The following WDR6 variants were observed in gnomAD, a reference collection of about 807,000 sequenced individuals.
WDR6 encodes WD repeat domain 6.
A neutral mutation model predicts 85.6 loss-of-function variants in WDR6; 58 were observed. The ratio of observed to expected loss-of-function variants is 0.68; its 90% CI spans 0.55 to 0.84. The LOEUF (loss-of-function observed/expected upper bound fraction) is 0.84, where lower values mean the gene tolerates loss of function less well. WDR6 is among the 40% of genes least tolerant of loss of function. WDR6 has a pLI of 0.00. For synonymous variants in WDR6, 569 were observed against 582.2 expected, an observed-to-expected ratio of 0.98 and a Z score of 0.33; for missense variants, 1,310 against 1,476.4, an observed-to-expected ratio of 0.89 and a Z score of 1.85.
Position 49,013,617 on chromosome 3 carries a change from C to T in WDR6, c.2083C>T (p.Leu695Phe). 6.2e-7 allele frequency: 1 copy of T among 1,614,134 alleles called. No homozygotes were observed. The highest frequency in any genetic ancestry group is 8.5e-7 in the Non-Finnish European group (1 of 1,180,014). The change falls in exon 2 of 6, where the codon CTC becomes TTC. Residue 695 changes from leucine to phenylalanine, a missense_variant. By Grantham distance (22) the Leu-to-Phe change is conservative (BLOSUM62 0). Transcript: ENST00000608424. This position sits in a 1 kb window ranked among gnomAD's most constrained non-coding sequence, Gnocchi z 4.6. ...TGGCTGCACCCGGCCACACGTGATT[C>T]TCCGGGAGGGTCTGCATGGCCGTGA... ...LGGCTRPHVI[L>F]REGLHGREIT...
rs1247913362 is a variant in WDR6, at chr3:49,014,998, G to T, written c.3076G>T (p.Ala1026Ser). ...ACAGCTAGAAGAGGCTGTGGGAGAGGCTGGGCTGGTACCCCAGCTGCGTGT... is the reference window on the plus strand; with the variant it reads ...ACAGCTAGAAGAGGCTGTGGGAGAGTCTGGGCTGGTACCCCAGCTGCGTGT... ...MLQLEEAVGEAGLVPQLRVLE... is the reference protein window; with the variant it reads ...MLQLEEAVGESGLVPQLRVLE... The change falls in exon 6 of 6, where the codon GCT becomes TCT. Residue 1026 changes from alanine to serine, a missense_variant. Coordinates refer to ENST00000608424, the MANE Select transcript of WDR6 (RefSeq NM_018031.6). This position sits in a 1 kb window ranked among gnomAD's most constrained non-coding sequence, Gnocchi z 4.9. The T allele has an allele frequency of 6.2e-7, 1 of 1,614,160 alleles. No individual in the cohort carries two copies. Among genetic ancestry groups the T allele is most frequent in the East Asian group, 2.2e-5 (1 of 44,886 alleles).
At chr3:49,008,391 C>G (rs1345605972) in intron 1 of WDR6, 1 of 152,342 alleles carries the variant, frequency 6.6e-6, no homozygotes, top group Non-Finnish European at 1.5e-5. Flanking sequence ...GCCACCAGTC[C>G]TAAGAGGGTG....
intron 1 of WDR6, chr3:49,011,301 A>T (rs941096814): frequency 3.9e-5 from 20 of 518,896 alleles, no homozygotes; most frequent in South Asian, 2.5e-4. Context: ...CTAGTCCTGA[A>T]CCCCTGACCT....
Position 49,012,282 on chromosome 3 carries a change from AAT to A in WDR6, c.751_752del (p.Ile251TrpfsTer35). Reference protein sequence around the residue: ...DLRVPGGRVQNIGHCFGHSAR... With the variant: ...DLRVPGGRVQXIGHCFGHSAR... ...GCGAGTGCCTGGGGGTCGGGTGCAG[AAT>A]ATTGGGCACTGCTTTGGGCACAGCG... On this transcript the variant is annotated frameshift_variant, in exon 2 of 6. Transcript: ENST00000608424. LOFTEE classifies it high-confidence loss of function. This position sits in a 1 kb window ranked among gnomAD's most constrained non-coding sequence, Gnocchi z 4.4. 1.2e-6 allele frequency: 2 copies of A among 1,614,206 alleles called. No homozygotes were observed. The highest frequency in any genetic ancestry group is 1.7e-6 in the Non-Finnish European group (2 of 1,180,038).
At position 49,013,259 on chromosome 3, in the gene WDR6, C is replaced by T; in HGVS notation, c.1725C>T (p.Val575=). The T allele has an allele frequency of 6.2e-7, 1 of 1,614,072 alleles. No individual in the cohort carries two copies. The highest frequency in any genetic ancestry group is 8.5e-7 in the Non-Finnish European group (1 of 1,180,006). ...SLHGKQGVTS[V]TCHGGYVYTT... Reference sequence around the variant, plus strand: ...ACGGGAAGCAGGGTGTGACCTCAGTCACATGCCATGGTGGCTATGTGTATA... The same window carrying T: ...ACGGGAAGCAGGGTGTGACCTCAGTTACATGCCATGGTGGCTATGTGTATA... Residue 575 remains valine, a synonymous_variant, in exon 2 of 6, where the codon GTC becomes GTT. Coordinates refer to ENST00000608424, the MANE Select transcript of WDR6 (RefSeq NM_018031.6). The surrounding 1 kb of genome is among the most constrained non-coding windows in gnomAD (Gnocchi z 4.6).
Position 49,015,484 on chromosome 3 carries a change from G to GA in WDR6, c.*198dup. Reference sequence around the variant, plus strand: ...ATGCCCGACTCCCCATGACAAGACAGAACTTTGTAACAAACAGTACCAATT... The same window carrying GA: ...ATGCCCGACTCCCCATGACAAGACAGAAACTTTGTAACAAACAGTACCAATT... On this transcript the variant is annotated 3_prime_UTR_variant, in exon 6 of 6. Transcript: ENST00000608424. 2 of 1,552,020 alleles carry GA rather than the reference G, an allele frequency of 1.3e-6. No homozygotes were observed. Among genetic ancestry groups the GA allele is most frequent in the Non-Finnish European group, 1.8e-6 (2 of 1,134,840 alleles).
At chr3:49,010,746 A>T (rs2093009771) in intron 1 of WDR6, among the ~76,000 whole-genome samples, 1 of 151,646 alleles carries the variant, frequency 6.6e-6, no homozygotes, top group South Asian at 2.1e-4. Flanking sequence ...GCTACTCGGG[A>T]GGCTGAGGCA....
Position 49,013,986 on chromosome 3 carries a change from G to T in WDR6, c.2452G>T (p.Val818Phe), listed in dbSNP as rs1287204922. The T allele has an allele frequency of 1.9e-6, 3 of 1,611,726 alleles. No individual in the cohort carries two copies. Among genetic ancestry groups the T allele is most frequent in the Non-Finnish European group, 2.5e-6 (3 of 1,179,984 alleles). Residue 818 changes from valine (V) to phenylalanine (F), a missense_variant, in exon 2 of 6, where the codon GTT becomes TTT. Transcript: ENST00000608424. This position sits in a 1 kb window ranked among gnomAD's most constrained non-coding sequence, Gnocchi z 4.6. ...TGAGATGCACTGCTTCAGCATCATGGTTACTCCGGACCCCAGCACCCCAAG... is the reference window on the plus strand; with the variant it reads ...TGAGATGCACTGCTTCAGCATCATGTTTACTCCGGACCCCAGCACCCCAAG... ...RAEMHCFSIM[V>F]TPDPSTPSRL...
intron 1 of WDR6, among the ~76,000 whole-genome samples, chr3:49,009,793 T>A (rs927425365): frequency 1.3e-5 from 2 of 151,784 alleles, no homozygotes; most frequent in African/African-American, 2.4e-5. Flanking sequence ...AGTGGTGCAA[T>A]CTCAGGTCAC....
Position 49,014,786 on chromosome 3 carries a change from G to A in WDR6, c.2903-39G>A. 1 of 1,604,632 alleles carries A rather than the reference G, an allele frequency of 6.2e-7. No homozygotes were observed. Among genetic ancestry groups the A allele is most frequent in the Non-Finnish European group, 8.5e-7 (1 of 1,173,856 alleles). On this transcript the variant is annotated intron_variant, in intron 5 of 5. Transcript: ENST00000608424. This position sits in a 1 kb window ranked among gnomAD's most constrained non-coding sequence, Gnocchi z 4.9. ...TCACATAGCCCTCACACATGTGGCAGGCGGGGCCCTGACAACTACCCTCTT... is the reference window on the plus strand; with the variant it reads ...TCACATAGCCCTCACACATGTGGCAAGCGGGGCCCTGACAACTACCCTCTT...
intron 1 of WDR6, among the ~76,000 whole-genome samples, chr3:49,009,311 A>ACCCCCCCCCCCCCCCCCCCCCCCCCCCCC (rs544775849): frequency 3.2e-5 from 2 of 62,722 alleles, no homozygotes; most frequent in Non-Finnish European, 3.0e-5. Context: ...ATTGCTCCCC[A>ACCCCCCCCCCCCCCCCCCCCCCCCCCCCC]CCCCCCCCCC....
At position 49,007,624 on chromosome 3, in the gene WDR6, G is replaced by A. The variant is rs1297850170; in HGVS notation, c.100+93G>A. 1.4e-6 allele frequency: 2 copies of A among 1,427,904 alleles called. No individual in the cohort carries two copies. The highest frequency in any genetic ancestry group is 1.8e-6 in the Non-Finnish European group (2 of 1,084,044). 88.5% of individuals were successfully genotyped at this position (1,427,904 alleles called of 1,614,324 possible). The stretch of plus-strand genomic sequence containing the variant: ...CACAGGGACAAAAGGGGTGCCCTGA[G>A]GAGAAGGACGGGCAGCAGGTTGAGG... On this transcript the variant is annotated intron_variant, in intron 1 of 5. Transcript: ENST00000608424. This position sits in a 1 kb window ranked among gnomAD's most constrained non-coding sequence, Gnocchi z 5.1.
At chr3:49,009,237 T>A (rs984140412) in intron 1 of WDR6, among the ~76,000 whole-genome samples, 31 of 151,192 alleles carry the variant, frequency 2.1e-4, no homozygotes, top group Non-Finnish European at 1.0e-4. Flanking sequence ...TACTCAATGC[T>A]CTTGCCCATC....
rs763870355 is a variant in WDR6 at position 49,014,908 on chromosome 3, C to T, written c.2986C>T (p.His996Tyr). ...CACCTTGCCCACCCGTGAGGGCCAC[C>T]ATCTCGTGGCCAGTGGCAGTGAAGA... is the stretch of plus-strand genomic sequence containing the variant. ...LHTLPTREGHHLVASGSEDGS... is the reference protein window; with the variant it reads ...LHTLPTREGHYLVASGSEDGS... The change falls in exon 6 of 6, where the codon CAT (histidine) becomes TAT (tyrosine). Residue 996 changes from histidine to tyrosine, a missense_variant. His to Tyr is a moderately conservative substitution (Grantham distance 83, BLOSUM62 2). Coordinates refer to ENST00000608424, the MANE Select transcript of WDR6 (RefSeq NM_018031.6). The surrounding 1 kb of genome is among the most constrained non-coding windows in gnomAD (Gnocchi z 4.9). 15 of 1,614,002 alleles carry T rather than the reference C, an allele frequency of 9.3e-6. No homozygotes were observed. The East Asian group carries it at 3.3e-4, about 36-fold the overall frequency.
chr3:49,011,394 C>CTTTTT, intron 1 of WDR6: 20 of 1,147,114 alleles, frequency 1.7e-5, no homozygotes, highest in South Asian at 2.9e-5. Context: ...CAAGGATTTT[C>CTTTTT]TTTTTTTTTT....
Position 49,014,517 on chromosome 3 carries a change from A to G in WDR6, c.2783+18A>G. 2 of 1,613,880 alleles carry G rather than the reference A, an allele frequency of 1.2e-6. No homozygotes were observed. The highest frequency in any genetic ancestry group is 1.7e-6 in the Non-Finnish European group (2 of 1,179,920). ...CAGAGGCGGTGAGAGGGGCTGGATGATGGTCCTGCATGGGCTGGGTTGGGG... is the reference window on the plus strand; with the variant it reads ...CAGAGGCGGTGAGAGGGGCTGGATGGTGGTCCTGCATGGGCTGGGTTGGGG... On this transcript the variant is annotated intron_variant, in intron 4 of 5. Coordinates refer to ENST00000608424, the MANE Select transcript of WDR6 (RefSeq NM_018031.6). This position sits in a 1 kb window ranked among gnomAD's most constrained non-coding sequence, Gnocchi z 4.9.
chr3:49,015,157 A>G lies in WDR6; in HGVS notation c.3235A>G (p.Thr1079Ala), dbSNP rs1308425285. 1.9e-6 allele frequency: 3 copies of G among 1,613,738 alleles called. No homozygotes were observed. The highest frequency in any genetic ancestry group is 1.3e-5 in the African/African-American group (1 of 74,900). ...TFWRLGHGEP[T>A]FMNSTVFHVP... The stretch of plus-strand genomic sequence containing the variant: ...CTGGCGTCTGGGGCATGGTGAACCC[A>G]CCTTCATGAATAGCACTGTGTTCCA... The change falls in exon 6 of 6, where the codon ACC becomes GCC. Residue 1079 changes from threonine (T) to alanine (A), a missense_variant. Coordinates refer to ENST00000608424, the MANE Select transcript of WDR6 (RefSeq NM_018031.6).
At position 49,007,676 on chromosome 3, in the gene WDR6, G is replaced by T. The variant is rs1305567658; in HGVS notation, c.100+145G>T. 11 of 1,340,790 alleles carry T rather than the reference G, an allele frequency of 8.2e-6. No individual in the cohort carries two copies. In the East Asian group the frequency reaches 3.1e-4, roughly 38 times the overall value. 83.1% of individuals were successfully genotyped at this position (1,340,790 alleles called of 1,614,324 possible). On this transcript the variant is annotated intron_variant, in intron 1 of 5. Transcript: ENST00000608424. This position sits in a 1 kb window ranked among gnomAD's most constrained non-coding sequence, Gnocchi z 5.1. ...CGATCGGAGGTGGGAAGGGAGCCCCGGAGATGGCGGGGACGAGGGCCAACC... is the reference window on the plus strand; with the variant it reads ...CGATCGGAGGTGGGAAGGGAGCCCCTGAGATGGCGGGGACGAGGGCCAACC...
chr3:49,013,363 G>C lies in WDR6; in HGVS notation c.1829G>C (p.Cys610Ser). Residue 610 changes from cysteine (C) to serine (S), a missense_variant, in exon 2 of 6, where the codon TGT becomes TCT. Transcript: ENST00000608424. The surrounding 1 kb of genome is among the most constrained non-coding windows in gnomAD (Gnocchi z 4.6). ...QLQPVLRQKS[C>S]RGMNWLAGLR... ...CAGCCAGTCCTAAGGCAGAAGTCCTGTCGAGGCATGAACTGGCTAGCTGGG... is the reference window on the plus strand; with the variant it reads ...CAGCCAGTCCTAAGGCAGAAGTCCTCTCGAGGCATGAACTGGCTAGCTGGG... 6.2e-7 allele frequency: 1 copy of C among 1,614,186 alleles called. No individual in the cohort carries two copies. The highest frequency in any genetic ancestry group is 8.5e-7 in the Non-Finnish European group (1 of 1,180,020).
Sources: gnomAD v4.1 joint callset for allele counts (sites outside exome capture counted in the v4.1 genomes callset) on GRCh38, gnomAD v4.1.1 for gene constraint, Gnocchi (gnomAD v3.1) non-coding constraint, MANE v1.5 for transcripts, NCBI Gene and HGNC (gene_info 2026-07-23, HGNC 2026-07-21) for gene names.